The following TRPV4 variants were observed in gnomAD, a reference collection of about 807,000 sequenced individuals.
The protein encoded by TRPV4 is transient receptor potential cation channel subfamily V member 4, also known as OSM9-like transient receptor potential channel 4.
TRPV4 carries 58 observed loss-of-function variants against 84.1 expected under a neutral mutation model. The observed-to-expected ratio is 0.69, with a 90% CI of 0.56 to 0.86. TRPV4 has a LOEUF of 0.86. Among genes scored for constraint, TRPV4 ranks in the 40% least tolerant of loss-of-function variants. The probability of loss-of-function intolerance (pLI) is 0.00; values close to 1 mark genes in which losing one functional copy is unlikely to be tolerated. For synonymous variants in TRPV4, 489 were observed against 500.9 expected (o/e 0.98, Z 0.32); for missense variants, 879 against 1,181.1 (o/e 0.74, Z 3.75).
In TRPV4 at chr12:109,814,305, A is replaced by G. The variant is rs1891719883; in HGVS notation, c.386+106T>C. The G allele has an allele frequency of 7.7e-7, 1 of 1,293,392 alleles. No homozygotes were observed. The highest frequency in any genetic ancestry group is 1.3e-5 in the South Asian group (1 of 78,594). 80.1% of individuals were successfully genotyped at this position (1,293,392 alleles called of 1,614,324 possible). A position where few individuals can be genotyped will look rare whatever the true frequency, so the allele number is the denominator to read the frequency against. On this transcript the variant is annotated intron_variant, in intron 2 of 15. Coordinates refer to ENST00000261740, the MANE Select transcript of TRPV4 (RefSeq NM_021625.5). The surrounding 1 kb of genome is among the most constrained non-coding windows in gnomAD (Gnocchi z 5.4). ...GATGGTTGGATGGACAGATGGATGG[A>G]TGGATGAATCGACGGATGGGTGGAT...
chr12:109,799,614 C>T (rs1294008304), intron 5 of TRPV4, among the ~76,000 whole-genome samples: 3 of 152,186 alleles, frequency 2.0e-5, no homozygotes, highest in Non-Finnish European at 4.4e-5. Flanking sequence ...CAGATTAAAG[C>T]ACACAGACAA....
rs1466317948 is a variant in TRPV4 at position 109,783,735 on chromosome 12, C to T, written c.2502G>A (p.Lys834=). 3.7e-6 allele frequency: 6 copies of T among 1,613,550 alleles called. No individual in the cohort carries two copies. Among genetic ancestry groups the T allele is most frequent in the Non-Finnish European group, 5.1e-6 (6 of 1,179,990 alleles). Residue 834 remains lysine (K), a synonymous_variant, in exon 16 of 16, where the codon AAG becomes AAA. Coordinates refer to ENST00000261740, the MANE Select transcript of TRPV4 (RefSeq NM_021625.5). The surrounding 1 kb of genome is among the most constrained non-coding windows in gnomAD (Gnocchi z 4.6). ...CCACCACCTCGTCCGGGTTCGAGTT[C>T]TTGTTCAGTTCCACCACGCGGGGTA... ...SVVPRVVELN[K]NSNPDEVVVP...
intron 4 of TRPV4, among the ~76,000 whole-genome samples, chr12:109,801,346 C>G (rs527305681): frequency 1.3e-5 from 2 of 152,232 alleles, no homozygotes; most frequent in African/African-American, 4.8e-5. Flanking sequence ...TGGGAGGGAC[C>G]CTGTGAAAGG....
At chr12:109,808,542 C>T (rs1891290106) in intron 2 of TRPV4, 74 bp from the exon 3 acceptor site, 25 of 1,475,046 alleles carry the variant, frequency 1.7e-5, no homozygotes, top group Non-Finnish European at 2.3e-5. Context: ...GCCTTAGGGA[C>T]CCAGAGACTG....
In TRPV4 at chr12:109,793,858, G is replaced by A; in HGVS notation, c.1584+72C>T. 1.7e-6 allele frequency: 2 copies of A among 1,152,726 alleles called. No individual in the cohort carries two copies. Among genetic ancestry groups the A allele is most frequent in the Non-Finnish European group, 2.6e-6 (2 of 776,472 alleles). 71.4% of individuals were successfully genotyped at this position (1,152,726 alleles called of 1,614,324 possible). ...TTGGAGGAGAGAGAAGAGAAAAAGA[G>A]GGAGAGAAAAGAGGTGCAGGAAGAG... On this transcript the variant is annotated intron_variant, in intron 9 of 15. Transcript: ENST00000261740. This position sits in a 1 kb window ranked among gnomAD's most constrained non-coding sequence, Gnocchi z 4.0.
rs905858151 is a variant in TRPV4 at position 109,808,378 on chromosome 12, G to C, written c.477C>G (p.Ser159=). 5.6e-5 allele frequency: 90 copies of C among 1,614,080 alleles called. No individual in the cohort carries two copies. The highest frequency in any genetic ancestry group is 7.4e-5 in the Non-Finnish European group (87 of 1,180,036). The change falls in exon 3 of 16, where the codon TCC becomes TCG. Residue 159 remains serine (S), a synonymous_variant. Coordinates refer to ENST00000261740, the MANE Select transcript of TRPV4 (RefSeq NM_021625.5). ...FNRPILFDIV[S]RGSTADLDGL... ...CGTCCAGGTCAGCAGTGGAGCCCCG[G>C]GACACGATGTCAAAGAGGATAGGCC...
intron 1 of TRPV4, among the ~76,000 whole-genome samples, chr12:109,830,142 A>G (rs537699526): frequency 1.3e-5 from 2 of 152,274 alleles, no homozygotes; most frequent in South Asian, 4.1e-4. Flanking sequence ...TCTGGACTGC[A>G]GAGTAGCTCC....
At chr12:109,809,150 C>T (rs1010597549) in intron 2 of TRPV4, among the ~76,000 whole-genome samples, 1 of 140,026 alleles carries the variant, frequency 7.1e-6, no homozygotes, top group African/African-American at 2.7e-5. Flanking sequence ...CCATTCATCA[C>T]TCATCCATCC....
At chr12:109,807,431 A>G (rs1891219589) in intron 3 of TRPV4, among the ~76,000 whole-genome samples, 1 of 140,790 alleles carries the variant, frequency 7.1e-6, no homozygotes, top group Admixed American at 7.3e-5. Flanking sequence ...CCCAGGCTGG[A>G]GTGCAGTGGC....
At chr12:109,817,964 G>A (rs1020271673) in intron 1 of TRPV4, among the ~76,000 whole-genome samples, 24 of 152,004 alleles carry the variant, frequency 1.6e-4, no homozygotes, top group Non-Finnish European at 1.5e-4. Context: ...CAATAGCGTC[G>A]AGACTGAGAA....
At chr12:109,801,702 T>C (rs1036764267) in intron 4 of TRPV4, among the ~76,000 whole-genome samples, 18 of 152,070 alleles carry the variant, frequency 1.2e-4, no homozygotes, top group African/African-American at 3.9e-4. Flanking sequence ...TGGTGGTCCA[T>C]GCCGGTGGTC....
chr12:109,804,024 G>T (rs1890973380), intron 3 of TRPV4, among the ~76,000 whole-genome samples: 2 of 152,140 alleles, frequency 1.3e-5, no homozygotes, highest in African/African-American at 4.8e-5. Flanking sequence ...GGGACTGTGT[G>T]CCACAGTGGA....
At chr12:109,792,984 T>C (rs529458794) in intron 10 of TRPV4, among the ~76,000 whole-genome samples, 167 bp from the exon 11 acceptor site, 1 of 152,328 alleles carries the variant, frequency 6.6e-6, no homozygotes, top group Admixed American at 6.5e-5. Flanking sequence ...CAGCATTCTG[T>C]TAACAAGAAC....
chr12:109,829,173 A>G (rs567139674), intron 1 of TRPV4, among the ~76,000 whole-genome samples: 14 of 151,820 alleles, frequency 9.2e-5, no homozygotes, highest in Non-Finnish European at 1.8e-4. Flanking sequence ...CCCTGTCTCT[A>G]AAAATAATAA....
chr12:109,786,928 T>C lies in TRPV4; in HGVS notation c.2209-91A>G. ...GCAGAAATGAGACAACGGGCCAGGG[T>C]GGGCCCAGAACTAGGCATTTAGACT... On this transcript the variant is annotated intron_variant, in intron 13 of 15. Coordinates refer to ENST00000261740, the MANE Select transcript of TRPV4 (RefSeq NM_021625.5). This position sits in a 1 kb window ranked among gnomAD's most constrained non-coding sequence, Gnocchi z 4.5. The C allele has an allele frequency of 6.3e-7, 1 of 1,579,546 alleles. No homozygotes were observed. The highest frequency in any genetic ancestry group is 8.6e-7 in the Non-Finnish European group (1 of 1,157,068).
intron 2 of TRPV4, among the ~76,000 whole-genome samples, chr12:109,813,281 C>T (rs1276089066): frequency 4.6e-5 from 7 of 151,988 alleles, no homozygotes; most frequent in African/African-American, 9.7e-5. Context: ...GGTGTGGTGG[C>T]GGGTGCCTGT....
At chr12:109,804,418 C>A (rs1890995936) in intron 3 of TRPV4, among the ~76,000 whole-genome samples, 1 of 152,216 alleles carries the variant, frequency 6.6e-6, no homozygotes, top group African/African-American at 2.4e-5. Flanking sequence ...CTCCCCACAG[C>A]TGTATGACCA....
rs149548366 is a variant in TRPV4, at chr12:109,798,634, C to G, written c.1132G>C (p.Ala378Pro). 3.1e-6 allele frequency: 5 copies of G among 1,612,570 alleles called. No individual in the cohort carries two copies. The African/African-American group carries it at 5.3e-5, about 17-fold the overall frequency. Residue 378 changes from alanine to proline, a missense_variant, in exon 6 of 16, where the codon GCC (alanine) becomes CCC (proline). By Grantham distance (27) the Ala-to-Pro change is conservative. This residue lies in a region of TRPV4 where 521 missense variants were observed against 686.6 expected (regional missense o/e 0.76). Coordinates refer to ENST00000261740, the MANE Select transcript of TRPV4 (RefSeq NM_021625.5). This position sits in a 1 kb window ranked among gnomAD's most constrained non-coding sequence, Gnocchi z 5.0. ...CTCACCCCAATCTTGCCCGTCTTGG[C>G]AGCCATCATGAGGGGCGAGAGGCCG... ...NDGLSPLMMA[A>P]KTGKIGIFQH...
chr12:109,788,225 C>A (rs1889814055), intron 13 of TRPV4, among the ~76,000 whole-genome samples, 175 bp downstream of exon 13: 5 of 152,256 alleles, frequency 3.3e-5, no homozygotes, highest in Admixed American at 2.6e-4. Context: ...ATTCACTAGG[C>A]AGCTCTGGGA....
Sources: gnomAD v4.1 joint callset for allele counts (sites outside exome capture counted in the v4.1 genomes callset) on GRCh38, gnomAD v4.1.1 for gene constraint, gnomAD v4.1.1 regional missense constraint, Gnocchi (gnomAD v3.1) non-coding constraint, MANE v1.5 for transcripts, NCBI Gene and HGNC (gene_info 2026-07-23, HGNC 2026-07-21) for gene names.